Variants in LHFPL3 observed in about 807,000 individuals in gnomAD.
LHFPL3 encodes the protein LHFPL tetraspan subfamily member 3 protein.
Under a neutral mutation model 19.3 loss-of-function variants are expected in LHFPL3, and 5 were observed. The observed-to-expected ratio is 0.26, with a 90% confidence interval of 0.14 to 0.54. The LOEUF is 0.54. Ranked by LOEUF, LHFPL3 falls within the 20% of genes least tolerant of loss-of-function variation. The pLI, the probability that LHFPL3 is intolerant of heterozygous loss-of-function variation, is 0.94. For synonymous variants in LHFPL3, 133 were observed against 126.2 expected (o/e 1.05, Z -0.36); for missense variants, 249 against 307.4 (o/e 0.81, Z 1.42).
chr7:104,415,841 A>G (rs908360288), intron 1 of LHFPL3, among the ~76,000 whole-genome samples: 24 of 152,208 alleles, frequency 1.6e-4, no homozygotes, highest in African/African-American at 5.1e-4. Context: ...ATAGTTGGCT[A>G]CAGAGTCCAG....
intron 1 of LHFPL3, among the ~76,000 whole-genome samples, chr7:104,716,332 A>G (rs548781621): frequency 1.7e-3 from 252 of 151,174 alleles, no homozygotes; most frequent in African/African-American, 4.4e-3. Context: ...ACAGAGCGAG[A>G]CTCCATCTCC....
chr7:104,560,622 A>G (rs1235315127), intron 1 of LHFPL3, among the ~76,000 whole-genome samples: 2 of 146,162 alleles, frequency 1.4e-5, no homozygotes, highest in African/African-American at 5.3e-5. Flanking sequence ...TGATCCTTTC[A>G]GAAAACCAGC....
intron 2 of LHFPL3, among the ~76,000 whole-genome samples, chr7:104,905,170 G>A (rs1471248431): frequency 6.6e-6 from 1 of 151,944 alleles, no homozygotes; most frequent in Non-Finnish European, 1.5e-5. Flanking sequence ...ACTACAAGCT[G>A]ATCTCAAACT....
chr7:104,666,281 T>C (rs1243755754), intron 1 of LHFPL3, among the ~76,000 whole-genome samples: 1 of 151,960 alleles, frequency 6.6e-6, no homozygotes, highest in African/African-American at 2.4e-5. Flanking sequence ...TCTAACTGTA[T>C]GTTTATACCC....
rs1233584731 is a variant in LHFPL3, at chr7:104,538,789, A to G, written c.446-197886A>G. 2.6e-5 allele frequency among the ~76,000 whole-genome samples: 4 copies of G among 152,230 alleles called. No individual in the cohort carries two copies. In the East Asian group the frequency reaches 5.8e-4, roughly 22 times the overall value. On this transcript the variant is annotated intron_variant, in intron 1 of 2. Coordinates refer to ENST00000424859, the MANE Select transcript of LHFPL3 (RefSeq NM_199000.3). ...ATTCTTCAGAACCTGTGAATATGTT[A>G]GCTTACGTGGCAAAAGCAACTTTGC...
At chr7:104,441,849 T>C (rs1792230837) in intron 1 of LHFPL3, among the ~76,000 whole-genome samples, 1 of 152,158 alleles carries the variant, frequency 6.6e-6, no homozygotes, top group Non-Finnish European at 1.5e-5. Flanking sequence ...GCTGGGGTTA[T>C]AGGTGTGAGC....
chr7:104,726,818 A>G (rs891863482), intron 1 of LHFPL3, among the ~76,000 whole-genome samples: 1 of 152,130 alleles, frequency 6.6e-6, no homozygotes, highest in Non-Finnish European at 1.5e-5. Context: ...TTTATAATAC[A>G]ATGATTTATA....
chr7:104,726,147 G>T (rs1319932952), intron 1 of LHFPL3, among the ~76,000 whole-genome samples: 1 of 148,642 alleles, frequency 6.7e-6, no homozygotes, highest in Non-Finnish European at 1.5e-5. Flanking sequence ...AACTAAATAT[G>T]AACCCATCTT....
In LHFPL3 at chr7:104,554,581, G is replaced by A. The variant is rs1054725399; in HGVS notation, c.446-182094G>A. 1.3e-5 allele frequency among the ~76,000 whole-genome samples: 2 copies of A among 152,112 alleles called. 1 individual carries two copies. On this transcript the variant is annotated intron_variant, in intron 1 of 2. Coordinates refer to ENST00000424859, the MANE Select transcript of LHFPL3 (RefSeq NM_199000.3). ...GATGGTATTAGGAGATGGGGCCTTG[G>A]AAAGTATATTAGTCAGAATTCCCCA...
chr7:104,590,757 T>C, intron 1 of LHFPL3, among the ~76,000 whole-genome samples: 1 of 152,226 alleles, frequency 6.6e-6, no homozygotes, highest in East Asian at 1.9e-4. Flanking sequence ...TAAGTCTCTT[T>C]GTAGGTCTCT....
intron 1 of LHFPL3, among the ~76,000 whole-genome samples, chr7:104,463,493 C>T (rs1330367457): frequency 6.6e-6 from 1 of 152,154 alleles, no homozygotes; most frequent in African/African-American, 2.4e-5. Flanking sequence ...AGTTCATTCT[C>T]ATGCTGCTAA....
chr7:104,513,356 T>C (rs1793857711), intron 1 of LHFPL3, among the ~76,000 whole-genome samples: 1 of 152,178 alleles, frequency 6.6e-6, no homozygotes. Flanking sequence ...GTTCCAGTGC[T>C]GGGAAAAATG....
At chr7:104,461,331 G>A (rs1792658833) in intron 1 of LHFPL3, among the ~76,000 whole-genome samples, 1 of 152,058 alleles carries the variant, frequency 6.6e-6, no homozygotes, top group Non-Finnish European at 1.5e-5. Context: ...ATGATATTTT[G>A]GGTGGGGACA....
At chr7:104,839,745 T>C (rs1438541294) in intron 2 of LHFPL3, among the ~76,000 whole-genome samples, 1 of 152,174 alleles carries the variant, frequency 6.6e-6, no homozygotes, top group African/African-American at 2.4e-5. Context: ...CCTGTAACAC[T>C]TGCTTGTGAA....
intron 1 of LHFPL3, among the ~76,000 whole-genome samples, chr7:104,652,358 T>C (rs1339035237): frequency 6.6e-6 from 1 of 152,228 alleles, no homozygotes; most frequent in Non-Finnish European, 1.5e-5. Flanking sequence ...GGAGCAGAAC[T>C]AGCTGATGGC....
chr7:104,837,645 T>G (rs956074032), intron 2 of LHFPL3, among the ~76,000 whole-genome samples: 23 of 152,180 alleles, frequency 1.5e-4, no homozygotes, highest in African/African-American at 5.6e-4. Flanking sequence ...TTCCATAGGT[T>G]ATTGAGGAAC....
chr7:104,581,763 T>C (rs1019477992), intron 1 of LHFPL3, among the ~76,000 whole-genome samples: 6 of 152,024 alleles, frequency 3.9e-5, no homozygotes, highest in Admixed American at 2.0e-4. Context: ...TGAATTATTT[T>C]GGCATGTCTG....
chr7:104,505,254 T>G (rs893887079), intron 1 of LHFPL3, among the ~76,000 whole-genome samples: 1 of 152,234 alleles, frequency 6.6e-6, no homozygotes, highest in Non-Finnish European at 1.5e-5. Flanking sequence ...AACTCCATGA[T>G]TATATTCAAT....
At chr7:104,693,534 T>C (rs1792943582) in intron 1 of LHFPL3, among the ~76,000 whole-genome samples, 1 of 152,098 alleles carries the variant, frequency 6.6e-6, no homozygotes, top group Non-Finnish European at 1.5e-5. Flanking sequence ...AGTGCGTGAG[T>C]CCTCACAACA....
Sources: allele counts gnomAD v4.1 joint callset (sites outside exome capture counted in the v4.1 genomes callset), GRCh38; gene constraint gnomAD v4.1.1; transcripts MANE v1.5; gene names NCBI Gene and HGNC (gene_info 2026-07-23, HGNC 2026-07-21).